Variants in ZSCAN5A observed in about 807,000 individuals in gnomAD.
The protein encoded by ZSCAN5A is zinc finger and SCAN domain containing 5A.
A neutral mutation model predicts 23.7 loss-of-function variants in ZSCAN5A; 12 were observed. That is an observed-to-expected ratio of 0.51 (90% CI 0.32 to 0.82). The LOEUF (loss-of-function observed/expected upper bound fraction) is 0.82. Ranked by LOEUF, ZSCAN5A falls within the 40% of genes least tolerant of loss-of-function variation. The pLI is 0.03. For synonymous variants in ZSCAN5A, 257 were observed against 239.9 expected, an observed-to-expected ratio of 1.07 and a Z score of -0.66; for missense variants, 597 against 617.9, an observed-to-expected ratio of 0.97 and a Z score of 0.36.
At chr19:56,296,736 G>T (rs947426104) in intron 2 of ZSCAN5A, among the ~76,000 whole-genome samples, 1 of 151,964 alleles carries the variant, frequency 6.6e-6, no homozygotes, top group African/African-American at 2.4e-5. Flanking sequence ...CGCAGTGCGG[G>T]AAACTTAAGT....
At chr19:56,318,586 G>C (rs76420281), upstream of ZSCAN5A, among the ~76,000 whole-genome samples, 918 of 152,258 alleles carry the variant, frequency 6.0e-3, 13 homozygotes, top group African/African-American at 0.021. Flanking sequence ...AGGTGGACAT[G>C]ATGCAAACAT....
At chr19:56,253,555 C>T (rs1008451693) in intron 2 of ZSCAN5A, among the ~76,000 whole-genome samples, 1 of 152,088 alleles carries the variant, frequency 6.6e-6, no homozygotes, top group East Asian at 1.9e-4. Flanking sequence ...AGTGAAGGGA[C>T]GTGAACAAGT....
chr19:56,340,592 A>T (rs764561331), intron 2 of ZSCAN5A, among the ~76,000 whole-genome samples: 1 of 152,208 alleles, frequency 6.6e-6, no homozygotes, highest in Non-Finnish European at 1.5e-5. Flanking sequence ...AGCTTTTGAC[A>T]CATAGTTGGA....
intron 2 of ZSCAN5A, among the ~76,000 whole-genome samples, chr19:56,248,194 CATTATTT>C (rs1173878876): frequency 1.3e-5 from 2 of 152,006 alleles, no homozygotes; most frequent in African/African-American, 4.8e-5. Flanking sequence ...CTAAATTATT[CATTATTT>C]ATCTGAAACT....
rs151140774 is a variant in ZSCAN5A at position 56,321,766 on chromosome 19, C to T, written c.-357-5498G>A. On this transcript the variant is annotated intron_variant, in intron 2 of 6. Coordinates refer to the ZSCAN5A transcript ENST00000587340. ...TTTTCAGGCAATTACTTCCTGCAAC[C>T]AAATCATACAGCTTGATTCCTACCC... is the stretch of plus-strand genomic sequence containing the variant. The T allele has an allele frequency of 1.4e-4, 180 of 1,245,210 alleles. 1 individual carries two copies. The Middle Eastern group carries it at 1.5e-3, about 10-fold the overall frequency. The allele number at this position is 1,245,210 out of a possible 1,614,324, so 77.1% of individuals were successfully genotyped here.
At chr19:56,286,214 G>A (rs528157979) in intron 2 of ZSCAN5A, among the ~76,000 whole-genome samples, 4 of 151,040 alleles carry the variant, frequency 2.6e-5, no homozygotes, top group Non-Finnish European at 4.4e-5. Flanking sequence ...TAGAGATGGG[G>A]TTTCACCATG....
At chr19:56,241,414 T>G (rs2035415728) in intron 2 of ZSCAN5A, among the ~76,000 whole-genome samples, 1 of 152,186 alleles carries the variant, frequency 6.6e-6, no homozygotes. Context: ...CTCTCTTTTC[T>G]CTCTCATATT....
intron 2 of ZSCAN5A, among the ~76,000 whole-genome samples, chr19:56,235,064 C>G (rs62122500): frequency 0.3 from 30,405 of 100,188 alleles, 4,022 homozygotes; most frequent in South Asian, 0.42. Context: ...TCTGATTGAC[C>G]GTGGGCCAAG....
chr19:56,323,467 C>G (rs1014937838), intron 2 of ZSCAN5A, among the ~76,000 whole-genome samples: 1 of 151,568 alleles, frequency 6.6e-6, no homozygotes, highest in Non-Finnish European at 1.5e-5. Context: ...AGCTACTGTG[C>G]CTGGCAAAAA....
At chr19:56,226,709 G>A (rs923996992) in intron 2 of ZSCAN5A, among the ~76,000 whole-genome samples, 11 of 152,288 alleles carry the variant, frequency 7.2e-5, no homozygotes, top group South Asian at 2.1e-4. Flanking sequence ...ATCCCGCTCC[G>A]GGGCAGGTAC....
chr19:56,304,897 C>A, intron 2 of ZSCAN5A: 1 of 611,778 alleles, frequency 1.6e-6, no homozygotes, highest in Non-Finnish European at 2.0e-6. Flanking sequence ...TTCATCCCAA[C>A]TGCCTGGCAT....
intron 2 of ZSCAN5A, chr19:56,310,266 C>T (rs1299840923): frequency 6.6e-6 from 1 of 152,222 alleles, no homozygotes; most frequent in Non-Finnish European, 1.5e-5. Flanking sequence ...GAACTGGGTC[C>T]TTTAAGGAAT....
At chr19:56,238,892 ATTGGGTAGGTAGATGGTGGTT>A (rs749936729) in intron 2 of ZSCAN5A, among the ~76,000 whole-genome samples, 2 of 152,010 alleles carry the variant, frequency 1.3e-5, no homozygotes, top group African/African-American at 2.4e-5. Context: ...ACTGGAGGGA[ATTGGGTAGGTAGATGGTGGTT>A]TTAGGCAGAT....
At position 56,247,120 on chromosome 19, in the gene ZSCAN5A, T is replaced by A. The variant is rs61742131; in HGVS notation, c.-127-21947A>T. On this transcript the variant is annotated intron_variant, in intron 2 of 5. Coordinates refer to ENST00000683990, the MANE Select transcript of ZSCAN5A (RefSeq NM_001322064.3). Reference sequence around the variant, plus strand: ...TTCCAAGCTAGCCATCCACATGAGATCACACACAGGAGAGAGACCCTTTCA... The same window carrying A: ...TTCCAAGCTAGCCATCCACATGAGAACACACACAGGAGAGAGACCCTTTCA... 672 of 688,932 alleles carry A rather than the reference T, an allele frequency of 9.8e-4. 6 individuals carry two copies. In the African/African-American group the frequency reaches 0.011, roughly 11 times the overall value. The allele number at this position is 688,932 out of a possible 1,614,324, so 42.7% of individuals were successfully genotyped here.
At chr19:56,305,451 T>C (rs1435703338) in intron 2 of ZSCAN5A, among the ~76,000 whole-genome samples, 3 of 152,242 alleles carry the variant, frequency 2.0e-5, no homozygotes, top group Non-Finnish European at 2.9e-5. Context: ...CTCCACGGCA[T>C]GGACATAGCA....
intron 2 of ZSCAN5A, among the ~76,000 whole-genome samples, chr19:56,278,674 A>G (rs1005612505): frequency 1.1e-4 from 16 of 152,214 alleles, no homozygotes; most frequent in Non-Finnish European, 4.4e-5. Context: ...CAGGAGGGCC[A>G]GTAGTGTGGC....
intron 2 of ZSCAN5A, among the ~76,000 whole-genome samples, chr19:56,255,620 TTC>T: frequency 6.6e-6 from 1 of 152,124 alleles, no homozygotes; most frequent in African/African-American, 2.4e-5. Flanking sequence ...CTTTTTTTTT[TTC>T]TCCCTCAAAG....
chr19:56,227,630 G>C lies in ZSCAN5A; in HGVS notation c.-127-2457C>G, dbSNP rs190207573. On this transcript the variant is annotated intron_variant, in intron 2 of 5. Coordinates refer to ENST00000683990, the MANE Select transcript of ZSCAN5A (RefSeq NM_001322064.3). Reference sequence around the variant, plus strand: ...ACACAGGAGTTAGTATTCAATTCTGGGAGTATATACCACACGGGTCACCCA... The same window carrying C: ...ACACAGGAGTTAGTATTCAATTCTGCGAGTATATACCACACGGGTCACCCA... Among the ~76,000 whole-genome samples the C allele has an allele frequency of 4.1e-3, 620 of 152,298 alleles. 1 individual carries two copies. The highest frequency in any genetic ancestry group is 6.8e-3 in the Middle Eastern group (2 of 294).
At chr19:56,316,871 C>G (rs548474304), upstream of ZSCAN5A, 1 of 152,386 alleles carries the variant, frequency 6.6e-6, no homozygotes, top group South Asian at 2.1e-4. Context: ...GAGTCATGCT[C>G]TGTTTTCCAG....
Sources: gnomAD v4.1 joint callset for allele counts (sites outside exome capture counted in the v4.1 genomes callset) on GRCh38, gnomAD v4.1.1 for gene constraint, MANE v1.5 for transcripts, NCBI Gene and HGNC (gene_info 2026-07-23, HGNC 2026-07-21) for gene names.